Variants in ZNF454 observed in about 807,000 individuals in gnomAD.
The protein encoded by ZNF454 is zinc finger protein 454.
ZNF454 carries 30 observed loss-of-function variants against 48.2 expected under a neutral mutation model. The ratio of observed to expected loss-of-function variants is 0.62; its 90% CI spans 0.47 to 0.84. The LOEUF (loss-of-function observed/expected upper bound fraction) is 0.84, where lower values mean the gene tolerates loss of function less well. ZNF454 is among the 40% of genes least tolerant of loss of function. The pLI, the probability that ZNF454 is intolerant of heterozygous loss-of-function variation, is 0.00. For synonymous variants in ZNF454, 204 were observed against 211.4 expected, an observed-to-expected ratio of 0.97 and a Z score of 0.30; for missense variants, 510 against 623.1, an observed-to-expected ratio of 0.82 and a Z score of 1.93.
chr5:178,978,053 C>A, the ZNF454 span, among the ~76,000 whole-genome samples: 3 of 152,214 alleles, frequency 2.0e-5, no homozygotes, highest in Non-Finnish European at 4.4e-5. Flanking sequence ...TGAAACCCCC[C>A]AAGCTACTTG....
chr5:178,986,778 G>T, the ZNF454 span: 1 of 1,610,680 alleles, frequency 6.2e-7, no homozygotes, highest in African/African-American at 1.3e-5. Context: ...ACACAGGCTG[G>T]GGCGTCTGCC....
intron 4 of ZNF454, chr5:178,948,114 C>T (rs1009498433): frequency 6.6e-6 from 1 of 152,096 alleles, no homozygotes; most frequent in East Asian, 2.0e-4. Context: ...GGGGTTTCAC[C>T]ATGTTGGCCA....
chr5:178,983,160 T>G, the ZNF454 span: 1 of 1,613,874 alleles, frequency 6.2e-7, no homozygotes, highest in Non-Finnish European at 8.5e-7. Flanking sequence ...CGTCCGCTGT[T>G]CCTCATAGTC....
At chr5:178,974,708 T>G in the ZNF454 span, among the ~76,000 whole-genome samples, 1 of 152,194 alleles carries the variant, frequency 6.6e-6, no homozygotes, top group Non-Finnish European at 1.5e-5. Context: ...GTTCCTACAT[T>G]ATGCCATGAA....
At chr5:178,985,723 C>T in the ZNF454 span, 1 of 378,930 alleles carries the variant, frequency 2.6e-6, no homozygotes, top group South Asian at 1.9e-5. Flanking sequence ...AACAAAACAA[C>T]ACAGGAACCA....
intron 4 of ZNF454, among the ~76,000 whole-genome samples, chr5:178,955,069 G>GT (rs1759695236): frequency 1.3e-5 from 2 of 152,214 alleles, no homozygotes; most frequent in East Asian, 1.9e-4. Context: ...TCTCATTAGG[G>GT]TAATTGCCTA....
At chr5:178,972,460 G>T in the ZNF454 span, among the ~76,000 whole-genome samples, 2 of 148,124 alleles carry the variant, frequency 1.4e-5, no homozygotes, top group African/African-American at 4.9e-5. Flanking sequence ...GCACCTAATG[G>T]ACAAGTCGGT....
At chr5:178,981,242 C>T in the ZNF454 span, 1 of 198,590 alleles carries the variant, frequency 5.0e-6, no homozygotes, top group African/African-American at 2.3e-5. This position sits in a 1 kb window ranked among gnomAD's most constrained non-coding sequence, Gnocchi z 5.1. Context: ...CCCCATGTTT[C>T]ATTCTGGGGT....
In ZNF454 at chr5:178,959,607, C is replaced by T. The variant is rs987836633; in HGVS notation, c.251-5048C>T. Among the ~76,000 whole-genome samples, 8 of 152,126 alleles carry T rather than the reference C, an allele frequency of 5.3e-5. No homozygotes were observed. The South Asian group carries it at 8.3e-4, about 16-fold the overall frequency. On this transcript the variant is annotated intron_variant, in intron 4 of 4. Coordinates refer to ENST00000519564, the MANE Select transcript of ZNF454 (RefSeq NM_001178089.3). ...AATGTGTTTATTGGGTTGTTGAGATCATTTCCTTTTTTTTTTGAGACGGAG... is the reference window on the plus strand; with the variant it reads ...AATGTGTTTATTGGGTTGTTGAGATTATTTCCTTTTTTTTTTGAGACGGAG...
At chr5:178,963,282 C>A (rs1376269869) in intron 4 of ZNF454, among the ~76,000 whole-genome samples, 1 of 151,782 alleles carries the variant, frequency 6.6e-6, no homozygotes, top group Non-Finnish European at 1.5e-5. Flanking sequence ...TCTATTTGGG[C>A]CAGAAGTGGA....
At chr5:178,987,222 T>G in the ZNF454 span, 2 of 661,714 alleles carry the variant, frequency 3.0e-6, no homozygotes, top group Non-Finnish European at 5.6e-6. Flanking sequence ...TTGTGCACGG[T>G]GGGTGGGAAA....
the ZNF454 span, chr5:178,986,084 G>A: frequency 2.5e-6 from 4 of 1,574,340 alleles, no homozygotes; most frequent in Non-Finnish European, 3.5e-6. Context: ...TAACGTTGCG[G>A]ACAGTCCCCC....
intron 2 of ZNF454, among the ~76,000 whole-genome samples, chr5:178,945,514 G>C (rs529369937): frequency 6.7e-6 from 1 of 148,634 alleles, no homozygotes; most frequent in Admixed American, 6.7e-5. Context: ...TTGTGTCTGT[G>C]CATCTCTGTG....
intron 4 of ZNF454, among the ~76,000 whole-genome samples, chr5:178,948,586 C>T (rs934267092): frequency 6.6e-6 from 1 of 152,152 alleles, no homozygotes; most frequent in Non-Finnish European, 1.5e-5. Context: ...CAGCCAACCA[C>T]AGTTCAGTGC....
chr5:178,983,847 T>C, the ZNF454 span, among the ~76,000 whole-genome samples: 18 of 152,198 alleles, frequency 1.2e-4, no homozygotes, highest in Non-Finnish European at 2.4e-4. Context: ...CGAAGCCACC[T>C]GCATAAAGGC....
chr5:178,978,948 A>C, the ZNF454 span: 4 of 152,288 alleles, frequency 2.6e-5, no homozygotes, highest in African/African-American at 9.6e-5. Flanking sequence ...CCTCCACTGA[A>C]CACCACAGAA....
intron 4 of ZNF454, among the ~76,000 whole-genome samples, chr5:178,953,470 T>C (rs1427081213): frequency 2.0e-5 from 3 of 152,222 alleles, no homozygotes; most frequent in Non-Finnish European, 4.4e-5. Context: ...CTTGGCCTTC[T>C]GCATCTGGTG....
intron 4 of ZNF454, among the ~76,000 whole-genome samples, chr5:178,958,362 G>A (rs1759862076): frequency 6.6e-6 from 1 of 152,142 alleles, no homozygotes; most frequent in Non-Finnish European, 1.5e-5. Context: ...ACTCTTTTGT[G>A]TCTGGCTTCT....
At chr5:178,986,932 C>T in the ZNF454 span, 32 of 1,613,964 alleles carry the variant, frequency 2.0e-5, 1 homozygote, top group South Asian at 8.8e-5. Flanking sequence ...GATGTCGTAC[C>T]GCCCGGGCGC....
Sources: allele counts gnomAD v4.1 joint callset (sites outside exome capture counted in the v4.1 genomes callset), GRCh38; gene constraint gnomAD v4.1.1; non-coding constraint Gnocchi (gnomAD v3.1); transcripts MANE v1.5; gene names NCBI Gene and HGNC (gene_info 2026-07-23, HGNC 2026-07-21).